Variants in ABCA8 observed in about 807,000 individuals in gnomAD.
ABCA8 encodes the protein ABC-type organic anion transporter ABCA8.
A neutral mutation model predicts 192.3 loss-of-function variants in ABCA8; 177 were observed. The observed-to-expected ratio is 0.92, with a 90% CI of 0.81 to 1.04. ABCA8 has a LOEUF of 1.04. ABCA8 is among the 50% of genes least tolerant of loss of function. The probability of loss-of-function intolerance (pLI) is 0.00; values close to 1 mark genes in which losing one functional copy is unlikely to be tolerated. For synonymous variants in ABCA8, 642 were observed against 690.2 expected (o/e 0.93, Z 1.09); for missense variants, 1,915 against 1,904.8 (o/e 1.01, Z -0.10).
intron 17 of ABCA8, among the ~76,000 whole-genome samples, chr17:68,908,140 C>T (rs2067133462): frequency 6.6e-6 from 1 of 152,062 alleles, no homozygotes; most frequent in Non-Finnish European, 1.5e-5. Context: ...GAGTAGTGCC[C>T]AGAGAAGTTT....
At chr17:68,884,787 C>T (rs1378357838) in intron 27 of ABCA8, 2 of 985,244 alleles carry the variant, frequency 2.0e-6, no homozygotes, top group Non-Finnish European at 2.4e-6. Context: ...CAGTAACTTC[C>T]TTCCTTTTGC....
At chr17:68,887,831 A>G (rs4968968) in intron 24 of ABCA8, among the ~76,000 whole-genome samples, 55,707 of 139,118 alleles carry the variant, frequency 0.4, 12,113 homozygotes, top group East Asian at 0.55. Flanking sequence ...TTATTCCCTT[A>G]AACAACTACC....
At chr17:68,895,679 C>G (rs1376459158) in intron 21 of ABCA8, among the ~76,000 whole-genome samples, 1 of 152,146 alleles carries the variant, frequency 6.6e-6, no homozygotes, top group Non-Finnish European at 1.5e-5. Context: ...TGGGCAAGAA[C>G]AGGGATCCCT....
intron 13 of ABCA8, 82 bp downstream of exon 13, chr17:68,921,300 T>A: frequency 1.1e-6 from 1 of 880,380 alleles, no homozygotes; most frequent in Non-Finnish European, 1.7e-6. Context: ...TGTATACATA[T>A]GTAACTAACC....
At chr17:68,948,418 A>G (rs552638866) in intron 2 of ABCA8, among the ~76,000 whole-genome samples, 13 of 152,048 alleles carry the variant, frequency 8.5e-5, no homozygotes, top group Non-Finnish European at 1.9e-4. Flanking sequence ...TTGTTTCCTG[A>G]CTTTTTAATA....
chr17:68,926,766 A>T (rs1198544321), intron 10 of ABCA8, among the ~76,000 whole-genome samples: 1 of 152,220 alleles, frequency 6.6e-6, no homozygotes, highest in Non-Finnish European at 1.5e-5. Flanking sequence ...CTTAAAAACA[A>T]CAAAAACAAA....
At chr17:68,904,566 A>T (rs1227176723) in intron 19 of ABCA8, among the ~76,000 whole-genome samples, 2 of 152,126 alleles carry the variant, frequency 1.3e-5, no homozygotes, top group Non-Finnish European at 2.9e-5. Flanking sequence ...AAACCACCAT[A>T]GGTAGGTGAA....
At chr17:68,948,827 C>A (rs1470536936) in intron 2 of ABCA8, among the ~76,000 whole-genome samples, 2 of 152,060 alleles carry the variant, frequency 1.3e-5, no homozygotes, top group Non-Finnish European at 2.9e-5. Context: ...ATGCCTATGT[C>A]CTGAATGGTA....
chr17:68,906,205 C>A (rs925103306), intron 18 of ABCA8, 42 bp from the exon 19 acceptor site: 1 of 1,412,052 alleles, frequency 7.1e-7, no homozygotes, highest in Admixed American at 2.6e-5. Flanking sequence ...ACAAGAATCA[C>A]AAGTGAACTG....
chr17:68,934,941 T>C (rs566824539), intron 5 of ABCA8, among the ~76,000 whole-genome samples: 2 of 152,324 alleles, frequency 1.3e-5, no homozygotes, highest in East Asian at 3.9e-4. Context: ...TTATTCTTGA[T>C]CTGTGTTGTT....
intron 24 of ABCA8, among the ~76,000 whole-genome samples, chr17:68,887,917 TA>T (rs1243644665): frequency 0.2 from 9,367 of 47,864 alleles, 719 homozygotes; most frequent in East Asian, 0.5. Context: ...TCCATATATA[TA>T]TATATATTAT....
intron 39 of ABCA8, 35 bp downstream of exon 39, chr17:68,868,266 A>G (rs779293027): frequency 1.9e-6 from 3 of 1,608,734 alleles, no homozygotes; most frequent in Non-Finnish European, 1.7e-6. Context: ...ATACACATAT[A>G]CCATGGATGA....
chr17:68,919,519 A>C (rs770271461), intron 13 of ABCA8, 43 bp from the exon 14 acceptor site: 15 of 1,511,396 alleles, frequency 9.9e-6, no homozygotes, highest in Non-Finnish European at 1.2e-5. Context: ...GGCTTAAGAT[A>C]TTTCTTAATA....
intron 32 of ABCA8, 174 bp downstream of exon 32, chr17:68,880,946 A>G (rs1852237445): frequency 1.6e-6 from 1 of 617,614 alleles, no homozygotes; most frequent in Non-Finnish European, 2.9e-6. Context: ...ACAACCTTTC[A>G]GTGCTTAGCT....
intron 2 of ABCA8, 25 bp from the exon 3 acceptor site, chr17:68,942,064 A>G: frequency 1.3e-6 from 2 of 1,512,082 alleles, no homozygotes; most frequent in Non-Finnish European, 1.8e-6. Flanking sequence ...AAGAAAGAAG[A>G]TAAAATTAAT....
intron 17 of ABCA8, among the ~76,000 whole-genome samples, chr17:68,915,181 A>G (rs2067323758): frequency 6.6e-6 from 1 of 152,166 alleles, no homozygotes; most frequent in African/African-American, 2.4e-5. Context: ...CTAGGAAACT[A>G]CTACAAGAAA....
chr17:68,927,146 T>C (rs906154596), intron 10 of ABCA8, among the ~76,000 whole-genome samples: 6 of 151,966 alleles, frequency 3.9e-5, no homozygotes, highest in Admixed American at 1.3e-4. Flanking sequence ...TAATCCCAGC[T>C]ACTTGGGAGG....
At chr17:68,948,332 C>T (rs1235466501) in intron 2 of ABCA8, among the ~76,000 whole-genome samples, 7 of 152,186 alleles carry the variant, frequency 4.6e-5, no homozygotes, top group Admixed American at 4.6e-4. Context: ...CTGTCTTCCA[C>T]AATGGTTGAA....
At chr17:68,871,067 C>T (rs1246114909) in intron 37 of ABCA8, among the ~76,000 whole-genome samples, 1 of 152,078 alleles carries the variant, frequency 6.6e-6, no homozygotes, top group Non-Finnish European at 1.5e-5. Context: ...GACACTATAC[C>T]ACAGACTGGG....
Sources: allele counts gnomAD v4.1 joint callset (sites outside exome capture counted in the v4.1 genomes callset), GRCh38; gene constraint gnomAD v4.1.1; transcripts MANE v1.5; gene names NCBI Gene and HGNC (gene_info 2026-07-23, HGNC 2026-07-21).